Variants in DUSP4 observed in about 807,000 individuals in gnomAD.
DUSP4 encodes the protein dual specificity protein phosphatase 4.
DUSP4 carries 12 observed loss-of-function variants against 27.2 expected under a neutral mutation model. The observed-to-expected ratio is 0.44, with a 90% confidence interval of 0.28 to 0.71. DUSP4 has a LOEUF of 0.71. DUSP4 is among the 30% of genes least tolerant of loss of function. The probability of loss-of-function intolerance (pLI) is 0.14; values close to 1 mark genes in which losing one functional copy is unlikely to be tolerated. For synonymous variants in DUSP4, 257 were observed against 245.2 expected (o/e 1.05, Z -0.45); for missense variants, 448 against 551.3 (o/e 0.81, Z 1.88).
rs1817592639 is a variant in DUSP4 at position 29,337,297 on chromosome 8, T to G, written c.914A>C (p.Glu305Ala). The G allele has an allele frequency of 6.2e-7, 1 of 1,613,310 alleles. No homozygotes were observed. The highest frequency in any genetic ancestry group is 8.5e-7 in the Non-Finnish European group (1 of 1,179,992). ...GCGCTGCTTAACGAACTCGAAGGCC[T>G]CCTCCAGCCTCACCCGTTTCTTCAT... ...LMMKKRVRLE[E>A]AFEFVKQRRS... The change falls in exon 4 of 4, where the codon GAG becomes GCG. Residue 305 changes from glutamate (E) to alanine (A), a missense_variant. Glu to Ala is a moderately radical substitution (Grantham distance 107). Transcript: ENST00000240100. This position sits in a 1 kb window ranked among gnomAD's most constrained non-coding sequence, Gnocchi z 6.4.
chr8:29,347,838 G>A lies in DUSP4; in HGVS notation c.433+2008C>T, dbSNP rs987659134. 3 of 985,526 alleles carry A rather than the reference G, an allele frequency of 3.0e-6. No homozygotes were observed. In the African/African-American group the frequency reaches 5.2e-5, roughly 17 times the overall value. 61.0% of individuals were successfully genotyped at this position (985,526 alleles called of 1,614,324 possible). Reference sequence around the variant, plus strand: ...CACTAGCCTCGCCCAGAATCTCCAGGGCTCTCGAATCGGTCTGGCTGGGGA... The same window carrying A: ...CACTAGCCTCGCCCAGAATCTCCAGAGCTCTCGAATCGGTCTGGCTGGGGA... On this transcript the variant is annotated intron_variant, in intron 1 of 3. Coordinates refer to ENST00000240100, the MANE Select transcript of DUSP4 (RefSeq NM_001394.7).
In DUSP4 at chr8:29,336,475, TTTA is replaced by T. The variant is rs1349414340; in HGVS notation, c.*548_*550del. On this transcript the variant is annotated 3_prime_UTR_variant, in exon 4 of 4. Coordinates refer to ENST00000240100, the MANE Select transcript of DUSP4 (RefSeq NM_001394.7). ...CTCTGAAGAAAGTCTTAATAAATAC[TTTA>T]TTATTAAGCATAATTATTCATCTGT... 1 of 152,422 alleles carries T rather than the reference TTTA, an allele frequency of 6.6e-6. No individual in the cohort carries two copies. The highest frequency in any genetic ancestry group is 1.5e-5 in the Non-Finnish European group (1 of 68,210). 9.4% of individuals were successfully genotyped at this position (152,422 alleles called of 1,614,324 possible).
intron 3 of DUSP4, 68 bp downstream of exon 3, chr8:29,338,214 C>T: frequency 6.5e-7 from 1 of 1,533,716 alleles, no homozygotes. Context: ...TCAACCCAGG[C>T]TTACAGGGGT....
chr8:29,346,576 A>G (rs999550365), intron 1 of DUSP4, among the ~76,000 whole-genome samples: 5 of 152,248 alleles, frequency 3.3e-5, no homozygotes, highest in Non-Finnish European at 7.3e-5. Context: ...TAAAATTTCC[A>G]AACTGACTCT....
chr8:29,345,815 A>G (rs565981645), intron 1 of DUSP4: 29 of 1,183,776 alleles, frequency 2.4e-5, no homozygotes, highest in Middle Eastern at 3.3e-4. Flanking sequence ...GAGACATCCA[A>G]TGTAAATGGT....
intron 1 of DUSP4, chr8:29,347,865 A>G (rs1227711668): frequency 1.0e-6 from 1 of 985,636 alleles, no homozygotes; most frequent in Non-Finnish European, 1.2e-6. Flanking sequence ...GGCTGGGGAA[A>G]TGGAGGAGGT....
rs538781863 is a variant in DUSP4, at chr8:29,347,746, T to C, written c.433+2100A>G. On this transcript the variant is annotated intron_variant, in intron 1 of 3. Coordinates refer to ENST00000240100, the MANE Select transcript of DUSP4 (RefSeq NM_001394.7). Reference sequence around the variant, plus strand: ...AACAGCCCTTAAAGTACTTCTCTTATGTTGGCCAGGCACCTCGCCACCCAC... The same window carrying C: ...AACAGCCCTTAAAGTACTTCTCTTACGTTGGCCAGGCACCTCGCCACCCAC... 6.1e-6 allele frequency: 6 copies of C among 985,416 alleles called. No homozygotes were observed. The African/African-American group carries it at 8.7e-5, about 14-fold the overall frequency. The allele number at this position is 985,416 out of a possible 1,614,324, so 61.0% of individuals were successfully genotyped here. A position where few individuals can be genotyped will look rare whatever the true frequency, so the allele number is the denominator to read the frequency against.
chr8:29,339,856 C>A (rs1158918698), intron 2 of DUSP4, among the ~76,000 whole-genome samples: 2 of 140,170 alleles, frequency 1.4e-5, no homozygotes, highest in African/African-American at 5.2e-5. Flanking sequence ...TACCAAAAAC[C>A]TTTTAAAATT....
chr8:29,340,230 C>T lies in DUSP4; in HGVS notation c.447G>A (p.Arg149=), dbSNP rs756969404. The T allele has an allele frequency of 1.2e-6, 2 of 1,610,816 alleles. No homozygotes were observed. Among genetic ancestry groups the T allele is most frequent in the Admixed American group, 1.7e-5 (1 of 59,460 alleles). ...DICLLKGGYE[R]FSSEYPEFCS... is the part of the protein sequence containing the mutation. ...AGAATTCTGGGTACTCGGAGGAAAACCTCTCATAGCCGCCTGTAAAGGAGA... is the reference window on the plus strand; with the variant it reads ...AGAATTCTGGGTACTCGGAGGAAAATCTCTCATAGCCGCCTGTAAAGGAGA... The change falls in exon 2 of 4, where the codon AGG becomes AGA. Residue 149 remains arginine (R), a synonymous_variant. Coordinates refer to ENST00000240100, the MANE Select transcript of DUSP4 (RefSeq NM_001394.7).
At chr8:29,340,356 G>A in intron 1 of DUSP4, 113 bp from the exon 2 acceptor site, 1 of 1,368,854 alleles carries the variant, frequency 7.3e-7, no homozygotes, top group South Asian at 1.5e-5. Flanking sequence ...GGGCTGGCGT[G>A]CTCCATATTG....
At chr8:29,345,267 G>A (rs1167054001) in intron 1 of DUSP4, 1 of 1,382,466 alleles carries the variant, frequency 7.2e-7, no homozygotes, top group African/African-American at 1.5e-5. Flanking sequence ...GTTGTTTGAA[G>A]GCCATTTGCC....
intron 1 of DUSP4, among the ~76,000 whole-genome samples, chr8:29,342,538 G>C (rs1817669895): frequency 6.6e-6 from 1 of 152,142 alleles, no homozygotes; most frequent in Non-Finnish European, 1.5e-5. Context: ...GTAAGGTACT[G>C]GGCATTTGAC....
chr8:29,345,685 G>T (rs1299454666), intron 1 of DUSP4: 11 of 1,417,928 alleles, frequency 7.8e-6, no homozygotes, highest in Non-Finnish European at 1.0e-5. Flanking sequence ...ATTTTTGTGG[G>T]TGGAGCCCAC....
intron 2 of DUSP4, among the ~76,000 whole-genome samples, chr8:29,339,302 C>T (rs150019721): frequency 2.5e-4 from 38 of 152,294 alleles, no homozygotes; most frequent in African/African-American, 8.7e-4. Context: ...CAGCAGAGTC[C>T]ATCTAACTGA....
Position 29,334,239 on chromosome 8 carries a change from C to T in DUSP4, c.*2787G>A, listed in dbSNP as rs1490536298. ...TGCTTTCCTGTCATTACAGAAACTTCCCATCACCAGAATCCCTTCATGGGA... is the reference window on the plus strand; with the variant it reads ...TGCTTTCCTGTCATTACAGAAACTTTCCATCACCAGAATCCCTTCATGGGA... On this transcript the variant is annotated 3_prime_UTR_variant, in exon 4 of 4. Coordinates refer to ENST00000240100, the MANE Select transcript of DUSP4 (RefSeq NM_001394.7). 1 of 152,222 alleles carries T rather than the reference C, an allele frequency of 6.6e-6. No individual in the cohort carries two copies. Among genetic ancestry groups the T allele is most frequent in the Non-Finnish European group, 1.5e-5 (1 of 68,046 alleles). 9.4% of individuals were successfully genotyped at this position (152,222 alleles called of 1,614,324 possible).
intron 2 of DUSP4, among the ~76,000 whole-genome samples, chr8:29,339,806 C>A (rs1032676597): frequency 2.6e-5 from 4 of 151,536 alleles, no homozygotes; most frequent in Non-Finnish European, 5.9e-5. Context: ...GAGTTCAAGA[C>A]CAGCCTGGGC....
chr8:29,336,815 T>C lies in DUSP4; in HGVS notation c.*211A>G, dbSNP rs1587042619. 4 of 603,890 alleles carry C rather than the reference T, an allele frequency of 6.6e-6. No individual in the cohort carries two copies. The East Asian group carries it at 1.3e-4, about 20-fold the overall frequency. 37.4% of individuals were successfully genotyped at this position (603,890 alleles called of 1,614,324 possible). Reference sequence around the variant, plus strand: ...TCCCTGGCTGCTGCGGCAGCCGTTATTGCTCTAAGTTGGAGTGTTCTGTTT... The same window carrying C: ...TCCCTGGCTGCTGCGGCAGCCGTTACTGCTCTAAGTTGGAGTGTTCTGTTT... On this transcript the variant is annotated 3_prime_UTR_variant, in exon 4 of 4. Transcript: ENST00000240100.
intron 1 of DUSP4, among the ~76,000 whole-genome samples, chr8:29,349,425 T>G (rs1348557737): frequency 6.6e-6 from 1 of 152,176 alleles, no homozygotes; most frequent in Non-Finnish European, 1.5e-5. Flanking sequence ...TTTCTCCACC[T>G]CTGGGATTCT....
At chr8:29,348,605 G>C in intron 1 of DUSP4, 3 of 985,558 alleles carry the variant, frequency 3.0e-6, no homozygotes, top group Non-Finnish European at 3.6e-6. Flanking sequence ...CTGTCCGGCA[G>C]GGGCGAACCC....
Sources: gnomAD v4.1 joint callset for allele counts (sites outside exome capture counted in the v4.1 genomes callset) on GRCh38, gnomAD v4.1.1 for gene constraint, Gnocchi (gnomAD v3.1) non-coding constraint, MANE v1.5 for transcripts, NCBI Gene and HGNC (gene_info 2026-07-23, HGNC 2026-07-21) for gene names.